DNMT3A: variants seen among roughly 807,000 people sequenced by gnomAD.
DNMT3A encodes the protein DNA methyltransferase 3 alpha.
Under a neutral mutation model 117.6 loss-of-function variants are expected in DNMT3A, and 267 were observed. That is an observed-to-expected ratio of 2.27 (90% confidence interval 2.05 to 2.51). The LOEUF (loss-of-function observed/expected upper bound fraction) is 2.51, where lower values mean the gene tolerates loss of function less well. Among genes scored for constraint, DNMT3A ranks in the 30% most tolerant of loss-of-function variants. DNMT3A has a pLI of 0.00. For missense variants in DNMT3A, 1,029 were observed against 1,260.2 expected (o/e 0.82, Z 2.78); for synonymous variants, 432 against 474.8 (o/e 0.91, Z 1.17).
rs1353003412 is a variant in DNMT3A, at chr2:25,247,186, C to T, written c.1015-28G>A. 1 of 1,608,072 alleles carries T rather than the reference C, an allele frequency of 6.2e-7. No homozygotes were observed. Among genetic ancestry groups the T allele is most frequent in the South Asian group, 1.1e-5 (1 of 90,192 alleles). The stretch of plus-strand genomic sequence containing the variant: ...GGGGGGACAAGCCAGGCCTTGTTTG[C>T]CGAGGCTTACACTTGCAAGCACCCA... On this transcript the variant is annotated intron_variant, in intron 8 of 22. Coordinates refer to ENST00000321117, the MANE Select transcript of DNMT3A (RefSeq NM_022552.5). This position sits in a 1 kb window ranked among gnomAD's most constrained non-coding sequence, Gnocchi z 5.6.
rs2033248984 is a variant in DNMT3A at position 25,298,849 on chromosome 2, C to T, written c.177+1290G>A. Reference sequence around the variant, plus strand: ...AAATGACTTCACTCCGCCCCCCTGCCCCCCGCCTCAAATCTTCAGGCAGAA... The same window carrying T: ...AAATGACTTCACTCCGCCCCCCTGCTCCCCGCCTCAAATCTTCAGGCAGAA... On this transcript the variant is annotated intron_variant, in intron 3 of 22. Transcript: ENST00000321117. The surrounding 1 kb of genome is among the most constrained non-coding windows in gnomAD (Gnocchi z 4.3). 6.6e-6 allele frequency among the ~76,000 whole-genome samples: 1 copy of T among 152,130 alleles called. No homozygotes were observed. Among genetic ancestry groups the T allele is most frequent in the African/African-American group, 2.4e-5 (1 of 41,416 alleles).
chr2:25,314,694 G>C (rs1573483433), intron 1 of DNMT3A: 1 of 985,422 alleles, frequency 1.0e-6, no homozygotes, highest in East Asian at 1.1e-4. Context: ...GCTGAGGTCT[G>C]AGCTCAGGCT....
Position 25,308,313 on chromosome 2 carries a change from C to T in DNMT3A, c.72+5600G>A, listed in dbSNP as rs145512258. Among the ~76,000 whole-genome samples the T allele has an allele frequency of 3.7e-3, 559 of 152,308 alleles. 1 individual carries two copies. Among genetic ancestry groups the T allele is most frequent in the African/African-American group, 0.013 (536 of 41,552 alleles). On this transcript the variant is annotated intron_variant, in intron 2 of 22. Coordinates refer to ENST00000321117, the MANE Select transcript of DNMT3A (RefSeq NM_022552.5). ...CTGAACCTCTCAAGCCAACTAGGAG[C>T]TGTTTTCCTGCTCACAGCCATGTTT...
intron 3 of DNMT3A, among the ~76,000 whole-genome samples, chr2:25,292,064 G>A (rs1395511828): frequency 2.0e-5 from 3 of 152,246 alleles, no homozygotes; most frequent in Non-Finnish European, 4.4e-5. Context: ...AGACCAGCCT[G>A]GCCAACATGG....
In DNMT3A at chr2:25,293,284, C is replaced by T. The variant is rs2032895972; in HGVS notation, c.177+6855G>A. 6.6e-6 allele frequency among the ~76,000 whole-genome samples: 1 copy of T among 152,198 alleles called. No individual in the cohort carries two copies. Among genetic ancestry groups the T allele is most frequent in the Admixed American group, 6.5e-5 (1 of 15,284 alleles). On this transcript the variant is annotated intron_variant, in intron 3 of 22. Coordinates refer to ENST00000321117, the MANE Select transcript of DNMT3A (RefSeq NM_022552.5). The surrounding 1 kb of genome is among the most constrained non-coding windows in gnomAD (Gnocchi z 4.7). ...CAGGCCCTGGGACTTTGCTGGCGCCCCTGCCCCCTCCCCTCTCCCAGCATG... is the reference window on the plus strand; with the variant it reads ...CAGGCCCTGGGACTTTGCTGGCGCCTCTGCCCCCTCCCCTCTCCCAGCATG...
rs770884084 is a variant in DNMT3A, at chr2:25,247,743, G to A, written c.862C>T (p.Arg288Trp). The A allele has an allele frequency of 2.5e-6, 4 of 1,612,060 alleles. No individual in the cohort carries two copies. Among genetic ancestry groups the A allele is most frequent in the Admixed American group, 1.7e-5 (1 of 59,994 alleles). ...GDDEPEYEDG[R>W]GFGIGELVWG... Reference sequence around the variant, plus strand: ...ACCAGCTCCCCAATGCCAAAGCCCCGGCCGTCCTGGAGCCCCAAGGAGCAG... The same window carrying A: ...ACCAGCTCCCCAATGCCAAAGCCCCAGCCGTCCTGGAGCCCCAAGGAGCAG... The change falls in exon 8 of 23, where the codon CGG (arginine) becomes TGG (tryptophan). Residue 288 changes from arginine to tryptophan, a missense_variant. Transcript: ENST00000321117. This position sits in a 1 kb window ranked among gnomAD's most constrained non-coding sequence, Gnocchi z 5.6.
At chr2:25,317,794 G>A (rs938491452) in intron 1 of DNMT3A, among the ~76,000 whole-genome samples, 2 of 152,244 alleles carry the variant, frequency 1.3e-5, no homozygotes, top group Admixed American at 1.3e-4. Context: ...GGAGTGCAAT[G>A]CCGCGATCTC....
intron 4 of DNMT3A, among the ~76,000 whole-genome samples, chr2:25,280,973 A>C (rs1167966918): frequency 6.6e-6 from 1 of 152,126 alleles, no homozygotes; most frequent in Non-Finnish European, 1.5e-5. Flanking sequence ...AAGCGAAGTC[A>C]ACTGCAGTCA....
At position 25,228,288 on chromosome 2, in the gene DNMT3A, A is replaced by AAAT. The variant is rs1672753517; in HGVS notation, c.*5988_*5990dup. 1 of 150,002 alleles carries AAAT rather than the reference A, an allele frequency of 6.7e-6. No individual in the cohort carries two copies. Among genetic ancestry groups the AAAT allele is most frequent in the African/African-American group, 2.5e-5 (1 of 40,812 alleles). The allele number at this position is 150,002 out of a possible 1,614,324, so 9.3% of individuals were successfully genotyped here. A position where few individuals can be genotyped will look rare whatever the true frequency, so the allele number is the denominator to read the frequency against. Reference sequence around the variant, plus strand: ...AAAGGATGCTGGAACCAGGAAAAAAAAATAATAATAATAAAGGAGAAAAGA... The same window carrying AAAT: ...AAAGGATGCTGGAACCAGGAAAAAAAAATAATAATAATAATAAAGGAGAAAAGA... On this transcript the variant is annotated 3_prime_UTR_variant, in exon 23 of 23. Coordinates refer to ENST00000321117, the MANE Select transcript of DNMT3A (RefSeq NM_022552.5).
intron 1 of DNMT3A, among the ~76,000 whole-genome samples, chr2:25,328,357 C>T (rs897824565): frequency 2.6e-5 from 4 of 152,014 alleles, no homozygotes; most frequent in Non-Finnish European, 5.9e-5. Context: ...ATTCCAGGCC[C>T]GGCTGCTGTC....
In DNMT3A at chr2:25,252,313, G is replaced by A; in HGVS notation, c.640-4061C>T. Reference sequence around the variant, plus strand: ...AGGGGGCGATGGGGCTGGGGGCGGAGGGGGCCACTGGGAGGGGAGGGGGGC... The same window carrying A: ...AGGGGGCGATGGGGCTGGGGGCGGAAGGGGCCACTGGGAGGGGAGGGGGGC... On this transcript the variant is annotated intron_variant, in intron 6 of 22. Coordinates refer to ENST00000321117, the MANE Select transcript of DNMT3A (RefSeq NM_022552.5). This position sits in a 1 kb window ranked among gnomAD's most constrained non-coding sequence, Gnocchi z 5.5. The A allele has an allele frequency of 1.5e-6, 1 of 689,140 alleles. No individual in the cohort carries two copies. The highest frequency in any genetic ancestry group is 2.2e-6 in the Non-Finnish European group (1 of 453,188). The allele number at this position is 689,140 out of a possible 1,614,324, so 42.7% of individuals were successfully genotyped here. A position where few individuals can be genotyped will look rare whatever the true frequency, so the allele number is the denominator to read the frequency against.
intron 1 of DNMT3A, among the ~76,000 whole-genome samples, chr2:25,340,351 A>G (rs1401542715): frequency 6.6e-6 from 1 of 151,880 alleles, no homozygotes; most frequent in Non-Finnish European, 1.5e-5. Context: ...GGAGAGGGGG[A>G]GAAATGGCAG....
intron 20 of DNMT3A, among the ~76,000 whole-genome samples, chr2:25,238,794 G>A (rs1573306544): frequency 6.6e-6 from 1 of 152,158 alleles, no homozygotes; most frequent in Non-Finnish European, 1.5e-5. Context: ...CCATGGCTTT[G>A]CCTCAGGAGA....
intron 3 of DNMT3A, among the ~76,000 whole-genome samples, chr2:25,299,139 C>A (rs181093335): frequency 6.6e-6 from 1 of 152,224 alleles, no homozygotes; most frequent in Admixed American, 6.5e-5. Flanking sequence ...AAGAAAGGAA[C>A]CAGCTGTCTC....
At position 25,247,729 on chromosome 2, in the gene DNMT3A, A is replaced by G; in HGVS notation, c.876T>C (p.Ile292=). ...PEYEDGRGFG[I]GELVWGKLRG... ...GCAGTTTCCCCCACACCAGCTCCCC[A>G]ATGCCAAAGCCCCGGCCGTCCTGGA... Residue 292 remains isoleucine, a synonymous_variant, in exon 8 of 23, where the codon ATT becomes ATC. Transcript: ENST00000321117. The surrounding 1 kb of genome is among the most constrained non-coding windows in gnomAD (Gnocchi z 5.6). 1 of 1,612,676 alleles carries G rather than the reference A, an allele frequency of 6.2e-7. No homozygotes were observed. Among genetic ancestry groups the G allele is most frequent in the Non-Finnish European group, 8.5e-7 (1 of 1,179,936 alleles).
chr2:25,308,643 G>C (rs1402459201), intron 2 of DNMT3A, among the ~76,000 whole-genome samples: 1 of 151,834 alleles, frequency 6.6e-6, no homozygotes, highest in Non-Finnish European at 1.5e-5. Flanking sequence ...CTTTTCTATA[G>C]CTATTTAAAC....
At chr2:25,291,501 C>T (rs2032762909) in intron 3 of DNMT3A, among the ~76,000 whole-genome samples, 1 of 152,254 alleles carries the variant, frequency 6.6e-6, no homozygotes, top group South Asian at 2.1e-4. Flanking sequence ...AGCTCCAACG[C>T]TATGGAGCTA....
At chr2:25,309,910 T>C (rs1361647283) in intron 2 of DNMT3A, among the ~76,000 whole-genome samples, 1 of 151,392 alleles carries the variant, frequency 6.6e-6, no homozygotes, top group African/African-American at 2.4e-5. Context: ...ATACAAAAAA[T>C]TAGCTGGGCA....
chr2:25,243,983 C>T lies in DNMT3A; in HGVS notation c.1852-1G>A, dbSNP rs866791048. 8 of 1,553,924 alleles carry T rather than the reference C, an allele frequency of 5.1e-6. No homozygotes were observed. Among genetic ancestry groups the T allele is most frequent in the Non-Finnish European group, 6.1e-6 (7 of 1,148,346 alleles). On this transcript the variant is annotated splice_acceptor_variant, in intron 15 of 22. Coordinates refer to ENST00000321117, the MANE Select transcript of DNMT3A (RefSeq NM_022552.5). LOFTEE classifies it high-confidence loss of function. ...CAGGTGGGTAAACCTTTGGAGGGTC[C>T]TAAGCAGTGAGCACAACAGGTCAGA... is the stretch of plus-strand genomic sequence containing the variant.
Sources: gnomAD v4.1 joint callset for allele counts (sites outside exome capture counted in the v4.1 genomes callset) on GRCh38, gnomAD v4.1.1 for gene constraint, Gnocchi (gnomAD v3.1) non-coding constraint, MANE v1.5 for transcripts, NCBI Gene and HGNC (gene_info 2026-07-23, HGNC 2026-07-21) for gene names.